The following HACE1 variants were observed in gnomAD, a reference collection of about 807,000 sequenced individuals.
The protein encoded by HACE1 is E3 ubiquitin-protein ligase HACE1.
In HACE1, 73 loss-of-function variants were observed where a neutral mutation model predicts 118.4. That is an observed-to-expected ratio of 0.62 (90% CI 0.51 to 0.75). HACE1 has a LOEUF of 0.75. Ranked by LOEUF, HACE1 falls within the 30% of genes least tolerant of loss-of-function variation. The probability of loss-of-function intolerance (pLI) is 0.00; values close to 1 mark genes in which losing one functional copy is unlikely to be tolerated. For synonymous variants in HACE1, 368 were observed against 374.8 expected, an observed-to-expected ratio of 0.98 and a Z score of 0.21; for missense variants, 749 against 1,102.2, an observed-to-expected ratio of 0.68 and a Z score of 4.54.
chr6:104,794,524 G>A (rs1385993416), intron 10 of HACE1, among the ~76,000 whole-genome samples: 3 of 152,198 alleles, frequency 2.0e-5, no homozygotes, highest in Non-Finnish European at 4.4e-5. Flanking sequence ...ATAAAATCCT[G>A]ATTAGACTGT....
At chr6:104,803,661 A>G (rs1417136871) in intron 7 of HACE1, among the ~76,000 whole-genome samples, 1 of 152,232 alleles carries the variant, frequency 6.6e-6, no homozygotes, top group East Asian at 1.9e-4. Context: ...ACAAAATTCA[A>G]CAGCCCTTCA....
At chr6:104,824,766 T>G (rs896941549) in intron 6 of HACE1, 1 of 151,578 alleles carries the variant, frequency 6.6e-6, no homozygotes, top group African/African-American at 2.4e-5. Flanking sequence ...GGAAAAAAAG[T>G]GACAAACATT....
At chr6:104,854,299 T>C (rs1427762398) in intron 1 of HACE1, among the ~76,000 whole-genome samples, 1 of 152,206 alleles carries the variant, frequency 6.6e-6, no homozygotes, top group African/African-American at 2.4e-5. Flanking sequence ...ATTGGATCCG[T>C]AAATGACATT....
At chr6:104,859,102 A>G (rs1327200151) in intron 1 of HACE1, among the ~76,000 whole-genome samples, 1 of 152,228 alleles carries the variant, frequency 6.6e-6, no homozygotes, top group East Asian at 1.9e-4. Context: ...TTATCAAAAC[A>G]AGGCAGTGCC....
At chr6:104,831,918 A>G (rs969056260) in intron 6 of HACE1, among the ~76,000 whole-genome samples, 2 of 62,830 alleles carry the variant, frequency 3.2e-5, no homozygotes, top group Admixed American at 2.4e-4. Flanking sequence ...AGAAAAGAGA[A>G]AGAAGAGAAG....
chr6:104,853,708 G>T (rs543170760), intron 1 of HACE1, among the ~76,000 whole-genome samples: 8 of 151,982 alleles, frequency 5.3e-5, no homozygotes, highest in African/African-American at 1.9e-4. Context: ...ACTGACAAAG[G>T]GTAACATCAC....
At chr6:104,831,251 A>C (rs1773839232) in intron 6 of HACE1, 1 of 152,228 alleles carries the variant, frequency 6.6e-6, no homozygotes, top group Non-Finnish European at 1.5e-5. Flanking sequence ...ACAGGAAAGC[A>C]TTGTCATAAA....
intron 5 of HACE1, among the ~76,000 whole-genome samples, chr6:104,837,813 T>C (rs952925377): frequency 6.6e-6 from 1 of 152,146 alleles, no homozygotes; most frequent in Non-Finnish European, 1.5e-5. Context: ...ATCTTGTATT[T>C]GGAAAAACTT....
At chr6:104,816,088 A>G (rs1235825447) in intron 6 of HACE1, among the ~76,000 whole-genome samples, 13 of 151,418 alleles carry the variant, frequency 8.6e-5, no homozygotes, top group African/African-American at 3.2e-4. Context: ...AAAAAAAAAG[A>G]GGAAACAGAA....
chr6:104,854,706 T>C (rs1776554370), intron 1 of HACE1, among the ~76,000 whole-genome samples: 1 of 152,178 alleles, frequency 6.6e-6, no homozygotes, highest in Non-Finnish European at 1.5e-5. Flanking sequence ...AATATTACTG[T>C]TAATTGTATT....
chr6:104,740,415 C>G (rs756207103), intron 22 of HACE1, among the ~76,000 whole-genome samples: 1 of 151,640 alleles, frequency 6.6e-6, no homozygotes, highest in Non-Finnish European at 1.5e-5. Context: ...ATTGATAGAC[C>G]GCTAGCAAGA....
At position 104,859,612 on chromosome 6, in the gene HACE1, G is replaced by A; in HGVS notation, c.31C>T (p.Leu11=). The A allele has an allele frequency of 6.5e-7, 1 of 1,531,554 alleles. No homozygotes were observed. The allele number at this position is 1,531,554 out of a possible 1,614,324, so 94.9% of individuals were successfully genotyped here. The change falls in exon 1 of 24, where the codon CTG becomes TTG. Residue 11 remains leucine (L), a synonymous_variant. Transcript: ENST00000262903. MERAMEQLNR[L]TRSLRRARTV... ...CGCGCGCGGCGCAGCGAGCGCGTCA[G>A]GCGGTTGAGTTGCTCCATCGCTCTC...
rs529909118 is a variant in HACE1 at position 104,834,163 on chromosome 6, G to A, written c.403-990C>T. Among the ~76,000 whole-genome samples the A allele has an allele frequency of 4.6e-5, 7 of 151,712 alleles. No individual in the cohort carries two copies. The South Asian group carries it at 6.2e-4, about 14-fold the overall frequency. ...ACCTATTTCCAAAAAAAAAAAAATC[G>A]TTTTAAAATAACTCATAATGGTTCA... On this transcript the variant is annotated intron_variant, in intron 5 of 23. Transcript: ENST00000262903.
intron 6 of HACE1, chr6:104,831,257 A>G (rs1410987479): frequency 6.6e-6 from 1 of 152,250 alleles, no homozygotes; most frequent in Non-Finnish European, 1.5e-5. Flanking sequence ...AAGCATTGTC[A>G]TAAAACAAAT....
At chr6:104,790,132 A>G (rs1271376495) in intron 11 of HACE1, among the ~76,000 whole-genome samples, 1 of 152,130 alleles carries the variant, frequency 6.6e-6, no homozygotes, top group African/African-American at 2.4e-5. Flanking sequence ...ATATATGGCT[A>G]AAAACTGTCC....
At chr6:104,774,468 T>C (rs1266014206) in intron 17 of HACE1, among the ~76,000 whole-genome samples, 2 of 151,542 alleles carry the variant, frequency 1.3e-5, no homozygotes, top group Admixed American at 1.3e-4. Context: ...CACTACAACC[T>C]CCACCTCCTG....
At chr6:104,780,992 C>A (rs1226272637) in intron 14 of HACE1, among the ~76,000 whole-genome samples, 2 of 152,086 alleles carry the variant, frequency 1.3e-5, no homozygotes, top group African/African-American at 4.8e-5. Context: ...AGGTGTGTAT[C>A]CTTGGCAAGA....
intron 6 of HACE1, among the ~76,000 whole-genome samples, chr6:104,831,980 GAGGAAGGAAGGAAGGAAGGAAGGAAGGA>G (rs71276551): frequency 3.2e-5 from 2 of 62,862 alleles, no homozygotes; most frequent in African/African-American, 1.5e-4. Flanking sequence ...GAAGAGAAGA[GAGGAAGGAAGGAAGGAAGGAAGGAAGGA>G]AGGAAGGAAG....
intron 19 of HACE1, among the ~76,000 whole-genome samples, chr6:104,769,319 T>C (rs539003477): frequency 5.9e-5 from 9 of 152,288 alleles, no homozygotes; most frequent in Non-Finnish European, 7.4e-5. Context: ...CAATTGTTAC[T>C]AGATCTTTCC....
Sources: gnomAD v4.1 joint callset for allele counts (sites outside exome capture counted in the v4.1 genomes callset) on GRCh38, gnomAD v4.1.1 for gene constraint, MANE v1.5 for transcripts, NCBI Gene and HGNC (gene_info 2026-07-23, HGNC 2026-07-21) for gene names.